PROZ: variants seen among roughly 807,000 people sequenced by gnomAD.
PROZ encodes vitamin K-dependent protein Z.
Under a neutral mutation model 34.9 loss-of-function variants are expected in PROZ, and 46 were observed. That is an observed-to-expected ratio of 1.32 (90% CI 1.04 to 1.69). The LOEUF is 1.69. PROZ is among the 40% of genes most tolerant of loss of function. The pLI is 0.00. For missense variants in PROZ, 530 were observed against 520.4 expected (o/e 1.02, Z -0.18); for synonymous variants, 195 against 208.5 (o/e 0.94, Z 0.56).
intron 7 of PROZ, among the ~76,000 whole-genome samples, 158 bp downstream of exon 7, chr13:113,170,688 A>G (rs1277126344): frequency 6.6e-6 from 1 of 152,176 alleles, no homozygotes; most frequent in East Asian, 1.9e-4. Flanking sequence ...CAGGAAGCAT[A>G]TGTAAAATAC....
intron 6 of PROZ, among the ~76,000 whole-genome samples, chr13:113,170,031 T>C (rs1367454737): frequency 2.0e-5 from 3 of 152,232 alleles, no homozygotes; most frequent in Admixed American, 2.0e-4. Context: ...CGTCCTGCTC[T>C]GCACCATGGA....
intron 6 of PROZ, among the ~76,000 whole-genome samples, chr13:113,168,517 C>T (rs534312947): frequency 3.1e-4 from 48 of 152,384 alleles, no homozygotes; most frequent in Non-Finnish European, 6.3e-4. Flanking sequence ...AGACGGCTCC[C>T]ATCACCCTGC....
At chr13:113,164,794 C>G (rs1470619131) in intron 5 of PROZ, 150 bp downstream of exon 5, 1 of 1,310,868 alleles carries the variant, frequency 7.6e-7, no homozygotes, top group Non-Finnish European at 1.1e-6. Flanking sequence ...CACGCTGGAG[C>G]AATGGCCATG....
rs753095291 is a variant in PROZ at position 113,171,568 on chromosome 13, G to T, written c.692-26G>T. On this transcript the variant is annotated intron_variant, in intron 7 of 7. Coordinates refer to ENST00000375547, the MANE Select transcript of PROZ (RefSeq NM_003891.3). The surrounding 1 kb of genome is among the most constrained non-coding windows in gnomAD (Gnocchi z 5.1). ...GTCCCCTTGAAAATCAGACTGTAAA[G>T]AACTGACGATTGTTCATGATTTCAG... 1 of 1,613,752 alleles carries T rather than the reference G, an allele frequency of 6.2e-7. No homozygotes were observed. Among genetic ancestry groups the T allele is most frequent in the South Asian group, 1.1e-5 (1 of 91,050 alleles).
chr13:113,171,620 C>T lies in PROZ; in HGVS notation c.718C>T (p.Leu240=). The change falls in exon 8 of 8, where the codon CTG becomes TTG. Residue 240 remains leucine, a synonymous_variant. Coordinates refer to ENST00000375547, the MANE Select transcript of PROZ (RefSeq NM_003891.3). The surrounding 1 kb of genome is among the most constrained non-coding windows in gnomAD (Gnocchi z 5.1). ...TYFNRTSQDP[L]MIKITHVHVH... The stretch of plus-strand genomic sequence containing the variant: ...TTTTAACAGAACGAGCCAAGACCCG[C>T]TGATGATCAAGATAACGCACGTCCA... 1.2e-6 allele frequency: 2 copies of T among 1,614,164 alleles called. No homozygotes were observed. The highest frequency in any genetic ancestry group is 1.7e-6 in the Non-Finnish European group (2 of 1,180,032).
chr13:113,164,105 G>A (rs1291855345), intron 4 of PROZ, among the ~76,000 whole-genome samples: 3 of 151,670 alleles, frequency 2.0e-5, no homozygotes, highest in African/African-American at 7.3e-5. Context: ...TCAGCCTCCC[G>A]AGTAACTGGG....
At chr13:113,163,388 C>G (rs907486444) in intron 4 of PROZ, among the ~76,000 whole-genome samples, 38 of 152,180 alleles carry the variant, frequency 2.5e-4, no homozygotes, top group Non-Finnish European at 4.7e-4. Flanking sequence ...CTCCCCCCAC[C>G]ACCTCAACCA....
At chr13:113,169,544 T>C (rs939908873) in intron 6 of PROZ, among the ~76,000 whole-genome samples, 3 of 152,262 alleles carry the variant, frequency 2.0e-5, no homozygotes, top group Non-Finnish European at 4.4e-5. Flanking sequence ...TACACTTGGA[T>C]ATTGTCCTAG....
intron 6 of PROZ, among the ~76,000 whole-genome samples, chr13:113,168,701 C>T (rs1401082038): frequency 3.9e-5 from 6 of 152,148 alleles, no homozygotes; most frequent in Non-Finnish European, 5.9e-5. Context: ...GGGCTAATAT[C>T]GCTTGTCAAA....
chr13:113,170,206 A>C (rs1163385808), intron 6 of PROZ, among the ~76,000 whole-genome samples: 1 of 151,790 alleles, frequency 6.6e-6, no homozygotes, highest in Non-Finnish European at 1.5e-5. Context: ...TTAATCCCTA[A>C]GCAAACAAAA....
Position 113,172,075 on chromosome 13 carries a change from C to T in PROZ, c.1173C>T (p.Tyr391=). The part of the protein sequence containing the change: ...HMVLVTKVSR[Y]SLWFKQIMN ...TCCTTGTCACCAAGGTCTCCAGGTACTCACTCTGGTTTAAACAGATCATGA... is the reference window on the plus strand; with the variant it reads ...TCCTTGTCACCAAGGTCTCCAGGTATTCACTCTGGTTTAAACAGATCATGA... Residue 391 remains tyrosine, a synonymous_variant, in exon 8 of 8, where the codon TAC becomes TAT. Coordinates refer to ENST00000375547, the MANE Select transcript of PROZ (RefSeq NM_003891.3). 1 of 1,613,008 alleles carries T rather than the reference C, an allele frequency of 6.2e-7. No individual in the cohort carries two copies. Among genetic ancestry groups the T allele is most frequent in the Non-Finnish European group, 8.5e-7 (1 of 1,180,014 alleles).
At position 113,166,762 on chromosome 13, in the gene PROZ, C is replaced by T. The variant is rs145517343; in HGVS notation, c.573+1642C>T. ...TCTGCCCCATGAGTGCGCTGAGGGT[C>T]GGTACTTGGGAGGCCCAGAGTGCAG... On this transcript the variant is annotated intron_variant, in intron 6 of 7. Coordinates refer to ENST00000375547, the MANE Select transcript of PROZ (RefSeq NM_003891.3). Among the ~76,000 whole-genome samples, 65 of 152,280 alleles carry T rather than the reference C, an allele frequency of 4.3e-4. 2 individuals are homozygous for T. In the Middle Eastern group the frequency reaches 0.01, roughly 24 times the overall value.
At position 113,158,653 on chromosome 13, in the gene PROZ, G is replaced by A. The variant is rs889039467; in HGVS notation, c.-8G>A. ...GTTTGTAGCCCTGTCCCAGCGCTCC[G>A]GGTGGGAATGGCAGGCTGCGTCCCA... On this transcript the variant is annotated 5_prime_UTR_variant, in exon 1 of 8. Transcript: ENST00000375547. The surrounding 1 kb of genome is among the most constrained non-coding windows in gnomAD (Gnocchi z 4.3). 58 of 1,600,114 alleles carry A rather than the reference G, an allele frequency of 3.6e-5. No homozygotes were observed. The highest frequency in any genetic ancestry group is 4.5e-5 in the Non-Finnish European group (53 of 1,174,312).
intron 6 of PROZ, chr13:113,166,101 T>G (rs2036923844): frequency 6.6e-6 from 1 of 152,288 alleles, no homozygotes; most frequent in Non-Finnish European, 1.5e-5. Context: ...CTTTCAGGCC[T>G]CTAACACAAT....
At position 113,159,265 on chromosome 13, in the gene PROZ, G is replaced by A; in HGVS notation, c.70+535G>A. Reference sequence around the variant, plus strand: ...GCCTGCACAGGCGTCCAGGAAAGCTGCAAGTCAAAACACCCAGCATCCCCG... The same window carrying A: ...GCCTGCACAGGCGTCCAGGAAAGCTACAAGTCAAAACACCCAGCATCCCCG... On this transcript the variant is annotated intron_variant, in intron 1 of 7. Transcript: ENST00000375547. The surrounding 1 kb of genome is among the most constrained non-coding windows in gnomAD (Gnocchi z 4.6). The A allele has an allele frequency of 1.3e-6, 2 of 1,545,490 alleles. No homozygotes were observed. Among genetic ancestry groups the A allele is most frequent in the Non-Finnish European group, 1.8e-6 (2 of 1,142,170 alleles).
rs140812852 is a variant in PROZ at position 113,160,138 on chromosome 13, T to C, written c.195T>C (p.Tyr65=). The part of the protein sequence containing the change: ...EKECYEEICV[Y]EEAREVFENE... ...AATGTTATGAAGAAATCTGTGTCTA[T>C]GAAGAAGCAAGAGAAGTGTTTGAAA... Residue 65 remains tyrosine (Y), a synonymous_variant, in exon 2 of 8, where the codon TAT becomes TAC. Coordinates refer to ENST00000375547, the MANE Select transcript of PROZ (RefSeq NM_003891.3). The C allele has an allele frequency of 3.7e-6, 6 of 1,614,150 alleles. No individual in the cohort carries two copies. In the South Asian group the frequency reaches 4.4e-5, roughly 12 times the overall value.
At position 113,172,162 on chromosome 13, in the gene PROZ, C is replaced by A; in HGVS notation, c.*57C>A. The stretch of plus-strand genomic sequence containing the variant: ...AACCGGAAGCGGGATTCCAAGCTGG[C>A]ACTGCCACTGTGGAGGGCGCTGAAA... On this transcript the variant is annotated 3_prime_UTR_variant, in exon 8 of 8. Coordinates refer to ENST00000375547, the MANE Select transcript of PROZ (RefSeq NM_003891.3). 1 of 1,592,806 alleles carries A rather than the reference C, an allele frequency of 6.3e-7. No individual in the cohort carries two copies. Among genetic ancestry groups the A allele is most frequent in the Admixed American group, 1.7e-5 (1 of 58,794 alleles).
intron 6 of PROZ, among the ~76,000 whole-genome samples, chr13:113,166,723 T>A (rs1801141015): frequency 6.6e-6 from 1 of 152,342 alleles, no homozygotes; most frequent in Non-Finnish European, 1.5e-5. Flanking sequence ...CTAAGACAGT[T>A]CTTCCTATCG....
At position 113,172,097 on chromosome 13, in the gene PROZ, A is replaced by T; in HGVS notation, c.1195A>T (p.Met399Leu). The change falls in exon 8 of 8, where the codon ATG becomes TTG. Residue 399 changes from methionine to leucine, a missense_variant. Coordinates refer to ENST00000375547, the MANE Select transcript of PROZ (RefSeq NM_003891.3). ...SRYSLWFKQIMN is the reference protein window; with the variant it reads ...SRYSLWFKQILN ...GTACTCACTCTGGTTTAAACAGATC[A>T]TGAACTAACTGAAACTCAGCTAGCC... 1 of 1,612,120 alleles carries T rather than the reference A, an allele frequency of 6.2e-7. No individual in the cohort carries two copies. The highest frequency in any genetic ancestry group is 8.5e-7 in the Non-Finnish European group (1 of 1,179,434).
Sources: allele counts gnomAD v4.1 joint callset (sites outside exome capture counted in the v4.1 genomes callset), GRCh38; gene constraint gnomAD v4.1.1; non-coding constraint Gnocchi (gnomAD v3.1); transcripts MANE v1.5; gene names NCBI Gene and HGNC (gene_info 2026-07-23, HGNC 2026-07-21).